Variants in WWOX observed in about 807,000 individuals in gnomAD.
The protein encoded by WWOX is WW domain containing oxidoreductase.
Under a neutral mutation model 46.2 loss-of-function variants are expected in WWOX, and 69 were observed. The ratio of observed to expected loss-of-function variants is 1.49; its 90% CI spans 1.23 to 1.82. The LOEUF is 1.82. Among genes scored for constraint, WWOX ranks in the 40% most tolerant of loss-of-function variants. The pLI, the probability that WWOX is intolerant of heterozygous loss-of-function variation, is 0.00. For synonymous variants in WWOX, 359 were observed against 202.6 expected, an observed-to-expected ratio of 1.77 and a Z score of -6.56; for missense variants, 919 against 542.6, an observed-to-expected ratio of 1.69 and a Z score of -6.89.
intron 4 of WWOX, among the ~76,000 whole-genome samples, chr16:78,129,710 T>C (rs2033512863): frequency 6.9e-6 from 1 of 144,820 alleles, no homozygotes; most frequent in South Asian, 2.2e-4. Flanking sequence ...ATTTTTTTTC[T>C]TTTTTTTTTT....
chr16:78,304,360 G>C (rs1190573667), intron 5 of WWOX, among the ~76,000 whole-genome samples: 1 of 152,158 alleles, frequency 6.6e-6, no homozygotes, highest in African/African-American at 2.4e-5. Context: ...CGATGGAAAG[G>C]GTGAGTGTGG....
At chr16:78,591,332 G>C (rs1465340060) in intron 8 of WWOX, among the ~76,000 whole-genome samples, 1 of 152,088 alleles carries the variant, frequency 6.6e-6, no homozygotes, top group East Asian at 1.9e-4. Context: ...AATTTACATA[G>C]CCTCAAATGA....
chr16:79,082,939 G>C (rs1033953812), intron 8 of WWOX, among the ~76,000 whole-genome samples: 1 of 152,162 alleles, frequency 6.6e-6, no homozygotes, highest in East Asian at 1.9e-4. Flanking sequence ...GATACTAGAA[G>C]ATAACCCTAA....
At chr16:78,839,286 C>T (rs2052074470) in intron 8 of WWOX, among the ~76,000 whole-genome samples, 1 of 152,028 alleles carries the variant, frequency 6.6e-6, no homozygotes, top group Non-Finnish European at 1.5e-5. Flanking sequence ...CTCTTCTGTT[C>T]CTAGATATAA....
chr16:78,530,158 G>A (rs962016046), intron 8 of WWOX, among the ~76,000 whole-genome samples: 21 of 152,308 alleles, frequency 1.4e-4, no homozygotes, highest in African/African-American at 1.4e-4. Flanking sequence ...CTGGCCCTGG[G>A]ATAGCATCTG....
At chr16:79,019,157 CA>C (rs903333994) in intron 8 of WWOX, among the ~76,000 whole-genome samples, 678 of 24,536 alleles carry the variant, frequency 0.028, 49 homozygotes, top group African/African-American at 0.076. Flanking sequence ...GACCTTGTCT[CA>C]AAAAAAAAAA....
intron 6 of WWOX, among the ~76,000 whole-genome samples, chr16:78,389,771 G>C (rs945064687): frequency 6.6e-6 from 1 of 152,092 alleles, no homozygotes; most frequent in Non-Finnish European, 1.5e-5. Context: ...TATTTTTTGA[G>C]ACAGGGTCTC....
chr16:78,990,186 CA>C (rs751642031), intron 8 of WWOX, among the ~76,000 whole-genome samples: 150 of 110,216 alleles, frequency 1.4e-3, no homozygotes, highest in Admixed American at 1.7e-3. Flanking sequence ...CTTGTCTCAC[CA>C]AAAAAAAAAA....
intron 8 of WWOX, among the ~76,000 whole-genome samples, chr16:78,824,585 G>T (rs576863153): frequency 1.3e-5 from 2 of 152,240 alleles, no homozygotes; most frequent in Non-Finnish European, 2.9e-5. Context: ...CCGCACGGCT[G>T]GGGAGGCCTC....
intron 8 of WWOX, among the ~76,000 whole-genome samples, chr16:79,181,724 C>T (rs1207381449): frequency 2.0e-5 from 3 of 152,112 alleles, no homozygotes; most frequent in African/African-American, 7.2e-5. Context: ...TTTTGACATA[C>T]TTGGAGTTCT....
At chr16:79,163,949 C>G (rs138964677) in intron 8 of WWOX, among the ~76,000 whole-genome samples, 2,063 of 150,696 alleles carry the variant, frequency 0.014, 27 homozygotes, top group Non-Finnish European at 0.021. Flanking sequence ...TCTAGCCCAG[C>G]CCACGGTTTT....
At chr16:79,193,784 A>T (rs1236831059) in intron 8 of WWOX, among the ~76,000 whole-genome samples, 1 of 152,138 alleles carries the variant, frequency 6.6e-6, no homozygotes, top group East Asian at 1.9e-4. Context: ...CTCCTCACAA[A>T]GGGGGTGGCA....
chr16:78,246,067 A>G (rs903887903), intron 5 of WWOX, among the ~76,000 whole-genome samples: 4 of 152,100 alleles, frequency 2.6e-5, no homozygotes, highest in African/African-American at 9.7e-5. Flanking sequence ...GCCTTCCCTC[A>G]TTCTTTTTTG....
At chr16:78,998,478 A>G (rs1002446808) in intron 8 of WWOX, among the ~76,000 whole-genome samples, 3 of 152,166 alleles carry the variant, frequency 2.0e-5, no homozygotes, top group African/African-American at 7.2e-5. Flanking sequence ...CTGAGGGACT[A>G]AGAGAAATAG....
chr16:78,595,203 T>G (rs1334395310), intron 8 of WWOX, among the ~76,000 whole-genome samples: 1 of 152,190 alleles, frequency 6.6e-6, no homozygotes, highest in Non-Finnish European at 1.5e-5. Flanking sequence ...GAAATAGATT[T>G]GGAGTCAGAT....
intron 1 of WWOX, among the ~76,000 whole-genome samples, chr16:78,102,291 C>A (rs80280043): frequency 0.016 from 2,398 of 152,212 alleles, 70 homozygotes; most frequent in African/African-American, 0.055. Context: ...GAGGAGAGAC[C>A]CCCTGCATGG....
intron 5 of WWOX, among the ~76,000 whole-genome samples, chr16:78,311,106 A>C (rs1404526710): frequency 6.6e-6 from 1 of 152,194 alleles, no homozygotes; most frequent in Non-Finnish European, 1.5e-5. Flanking sequence ...TGTGAAAAAT[A>C]CCAGACATCC....
intron 8 of WWOX, among the ~76,000 whole-genome samples, chr16:78,511,926 C>G (rs1197312495): frequency 6.6e-6 from 1 of 152,216 alleles, no homozygotes; most frequent in Non-Finnish European, 1.5e-5. Context: ...CCAGCTACTT[C>G]TGTTTACACA....
At chr16:79,025,242 G>A (rs750631969) in intron 8 of WWOX, among the ~76,000 whole-genome samples, 18 of 152,194 alleles carry the variant, frequency 1.2e-4, no homozygotes, top group Non-Finnish European at 1.8e-4. Flanking sequence ...AGAGGCTCTT[G>A]CAGTTATCTG....
Sources: gnomAD v4.1 joint callset for allele counts (sites outside exome capture counted in the v4.1 genomes callset) on GRCh38, gnomAD v4.1.1 for gene constraint, MANE v1.5 for transcripts, NCBI Gene and HGNC (gene_info 2026-07-23, HGNC 2026-07-21) for gene names.